The following PDZD2 variants were observed in gnomAD, a reference collection of about 807,000 sequenced individuals.
PDZD2 encodes PDZ domain-containing protein 2.
A neutral mutation model predicts 220.7 loss-of-function variants in PDZD2; 90 were observed. The ratio of observed to expected loss-of-function variants is 0.41; its 90% CI spans 0.34 to 0.49. The LOEUF (loss-of-function observed/expected upper bound fraction) is 0.49. PDZD2 is among the 20% of genes least tolerant of loss of function. The pLI is 0.28. For synonymous variants in PDZD2, 1,375 were observed against 1,450.5 expected, an observed-to-expected ratio of 0.95 and a Z score of 1.18; for missense variants, 3,174 against 3,608.5, an observed-to-expected ratio of 0.88 and a Z score of 3.08.
chr5:32,033,163 C>T (rs1371564465), intron 6 of PDZD2, among the ~76,000 whole-genome samples: 1 of 152,160 alleles, frequency 6.6e-6, no homozygotes, highest in African/African-American at 2.4e-5. Context: ...TCCAGGAGAA[C>T]ATTTTGCAAA....
At chr5:31,982,433 G>A (rs1427695980) in intron 2 of PDZD2, among the ~76,000 whole-genome samples, 1 of 152,136 alleles carries the variant, frequency 6.6e-6, no homozygotes, top group East Asian at 1.9e-4. Context: ...TCAGCCTCCC[G>A]AGTAGCTGGG....
intron 5 of PDZD2, among the ~76,000 whole-genome samples, chr5:32,005,998 T>C (rs1386258549): frequency 1.3e-5 from 2 of 151,860 alleles, no homozygotes; most frequent in African/African-American, 2.4e-5. Flanking sequence ...AACACAAAAA[T>C]TAGCCAGGCA....
At chr5:32,025,859 C>T (rs1754614797) in intron 6 of PDZD2, among the ~76,000 whole-genome samples, 3 of 152,038 alleles carry the variant, frequency 2.0e-5, no homozygotes, top group Non-Finnish European at 4.4e-5. Context: ...CTCAGTCTCC[C>T]AGAGTGCTGG....
chr5:31,978,555 T>C (rs1749988212), intron 2 of PDZD2, among the ~76,000 whole-genome samples: 1 of 151,852 alleles, frequency 6.6e-6, no homozygotes, highest in Admixed American at 6.6e-5. Flanking sequence ...CCGTCTCTAC[T>C]AAAAGTACAA....
chr5:31,737,837 T>C (rs1263922157), intron 1 of PDZD2, among the ~76,000 whole-genome samples: 1 of 152,202 alleles, frequency 6.6e-6, no homozygotes, highest in Admixed American at 6.5e-5. Flanking sequence ...CCGGGCTCTT[T>C]ATAGAGCAGG....
rs755040835 is a variant in PDZD2 at position 32,010,427 on chromosome 5, A to T, written c.1352A>T (p.Asp451Val). 6.2e-7 allele frequency: 1 copy of T among 1,610,922 alleles called. No individual in the cohort carries two copies. The highest frequency in any genetic ancestry group is 1.7e-5 in the Admixed American group (1 of 60,014). Residue 451 changes from aspartate to valine, a missense_variant, in exon 6 of 25, where the codon GAC (aspartate) becomes GTC (valine). Asp to Val is a radical substitution (Grantham distance 152). Around this residue, in one of 4 missense-constraint regions of PDZD2, gnomAD observed 632 missense variants for 708.1 expected, o/e 0.89. Coordinates refer to ENST00000438447, the MANE Select transcript of PDZD2 (RefSeq NM_178140.4). Reference protein sequence around the residue: ...EDVSSWTDNEDQEADGEEDEG... With the variant: ...EDVSSWTDNEVQEADGEEDEG... ...GTGTCCTCCTGGACTGATAACGAAGACCAGGAGGCAGACGGGGAAGAGGAC... is the reference window on the plus strand; with the variant it reads ...GTGTCCTCCTGGACTGATAACGAAGTCCAGGAGGCAGACGGGGAAGAGGAC...
chr5:32,017,988 C>T (rs1182035391), intron 6 of PDZD2, among the ~76,000 whole-genome samples: 2 of 152,126 alleles, frequency 1.3e-5, no homozygotes, highest in African/African-American at 4.8e-5. Context: ...GAGGGAAGAC[C>T]GCAGGGCTCC....
chr5:31,830,322 C>T (rs1374279080), intron 2 of PDZD2, among the ~76,000 whole-genome samples: 5 of 141,104 alleles, frequency 3.5e-5, no homozygotes, highest in South Asian at 2.3e-4. Context: ...CCCACCACCA[C>T]GCCCAGCTAA....
intron 6 of PDZD2, among the ~76,000 whole-genome samples, chr5:32,027,522 G>A (rs969698423): frequency 1.3e-5 from 2 of 152,150 alleles, no homozygotes; most frequent in Admixed American, 6.5e-5. Context: ...CCTGAGCGTC[G>A]CAGTGGGCAT....
chr5:32,020,847 T>C (rs1275219714), intron 6 of PDZD2, among the ~76,000 whole-genome samples: 1 of 151,956 alleles, frequency 6.6e-6, no homozygotes, highest in Non-Finnish European at 1.5e-5. Flanking sequence ...TGTTTCACCA[T>C]GTTGGCCAGG....
chr5:31,707,874 C>T (rs913221848), intron 1 of PDZD2, among the ~76,000 whole-genome samples: 7 of 152,110 alleles, frequency 4.6e-5, no homozygotes, highest in East Asian at 1.9e-4. Flanking sequence ...GTGATCCTTC[C>T]GCCTCAGCCT....
chr5:31,845,333 G>T (rs1334821652), intron 2 of PDZD2, among the ~76,000 whole-genome samples: 2 of 152,196 alleles, frequency 1.3e-5, no homozygotes, highest in African/African-American at 4.8e-5. Context: ...ATCATTATGG[G>T]ATTTGAACTT....
chr5:31,963,074 T>G (rs1305686739), intron 2 of PDZD2, among the ~76,000 whole-genome samples: 2 of 152,172 alleles, frequency 1.3e-5, no homozygotes, highest in African/African-American at 2.4e-5. Context: ...CTAAAACATG[T>G]TTGTGGCTCA....
chr5:31,808,021 G>A (rs570424508), intron 2 of PDZD2, among the ~76,000 whole-genome samples: 1 of 152,332 alleles, frequency 6.6e-6, no homozygotes, highest in East Asian at 1.9e-4. Context: ...ATTTTAAACA[G>A]TGTCAAGAGG....
chr5:32,066,728 G>T (rs1740245046), intron 14 of PDZD2, among the ~76,000 whole-genome samples: 1 of 152,188 alleles, frequency 6.6e-6, no homozygotes, highest in South Asian at 2.1e-4. Flanking sequence ...GCATAACATG[G>T]GTCATGATTT....
Position 32,044,945 on chromosome 5 carries a change from T to C in PDZD2, c.1520-3594T>C, listed in dbSNP as rs117858370. Among the ~76,000 whole-genome samples, 192 of 152,350 alleles carry C rather than the reference T, an allele frequency of 1.3e-3. 4 individuals are homozygous for C. In the East Asian group the frequency reaches 0.034, roughly 27 times the overall value. Reference sequence around the variant, plus strand: ...GTGAAATATGTTCATTCTAAAGATATTTACATGCAGATTTTTAATGTGATC... The same window carrying C: ...GTGAAATATGTTCATTCTAAAGATACTTACATGCAGATTTTTAATGTGATC... On this transcript the variant is annotated intron_variant, in intron 7 of 24. Transcript: ENST00000438447.
intron 1 of PDZD2, among the ~76,000 whole-genome samples, chr5:31,750,681 A>G (rs1750902542): frequency 6.6e-6 from 1 of 152,142 alleles, no homozygotes; most frequent in African/African-American, 2.4e-5. Flanking sequence ...CAGCAACTGC[A>G]AAGGGCCTGA....
intron 24 of PDZD2, among the ~76,000 whole-genome samples, chr5:32,107,035 G>A (rs1274237719): frequency 6.6e-6 from 1 of 152,110 alleles, no homozygotes; most frequent in Non-Finnish European, 1.5e-5. Context: ...GGATGAAATC[G>A]ATACATCTGC....
intron 2 of PDZD2, chr5:31,847,605 C>T: frequency 1.5e-6 from 1 of 652,336 alleles, no homozygotes; most frequent in African/African-American, 1.8e-5. Flanking sequence ...GTAGGTTTGG[C>T]ATGGGCAAGA....
Sources: gnomAD v4.1 joint callset for allele counts (sites outside exome capture counted in the v4.1 genomes callset) on GRCh38, gnomAD v4.1.1 for gene constraint, gnomAD v4.1.1 regional missense constraint, MANE v1.5 for transcripts, NCBI Gene and HGNC (gene_info 2026-07-23, HGNC 2026-07-21) for gene names.